The following TANC1 variants were observed in gnomAD, a reference collection of about 807,000 sequenced individuals.
TANC1 encodes the protein tetratricopeptide repeat, ankyrin repeat and coiled-coil containing 1.
A neutral mutation model predicts 149.7 loss-of-function variants in TANC1; 77 were observed. That is an observed-to-expected ratio of 0.51 (90% CI 0.43 to 0.62). The LOEUF (loss-of-function observed/expected upper bound fraction) is 0.62. TANC1 is among the 20% of genes least tolerant of loss of function. The pLI, the probability that TANC1 is intolerant of heterozygous loss-of-function variation, is 0.00. For missense variants in TANC1, 1,985 were observed against 2,321.8 expected, an observed-to-expected ratio of 0.85 and a Z score of 2.98; for synonymous variants, 854 against 925.0, an observed-to-expected ratio of 0.92 and a Z score of 1.39.
intron 3 of TANC1, among the ~76,000 whole-genome samples, chr2:159,091,965 G>GGC (rs2045593201): frequency 6.8e-6 from 1 of 146,702 alleles, no homozygotes; most frequent in South Asian, 2.1e-4. Context: ...TAAATATAGG[G>GGC]GGGGGTGTGT....
intron 2 of TANC1, among the ~76,000 whole-genome samples, chr2:159,046,588 A>ATT (rs2041064785): frequency 1.8e-5 from 1 of 54,592 alleles, no homozygotes; most frequent in Non-Finnish European, 3.6e-5. Context: ...TCTTTTCTTT[A>ATT]CTTTTTTTTT....
intron 16 of TANC1, among the ~76,000 whole-genome samples, chr2:159,189,158 A>G (rs550104408): frequency 6.6e-6 from 1 of 152,366 alleles, no homozygotes; most frequent in African/African-American, 2.4e-5. Flanking sequence ...CTTGGCATTT[A>G]TTATGTTTAC....
intron 1 of TANC1, among the ~76,000 whole-genome samples, chr2:158,994,200 T>C (rs1209872918): frequency 6.6e-6 from 1 of 152,196 alleles, no homozygotes; most frequent in East Asian, 1.9e-4. Context: ...GAATCTCTTT[T>C]TGGGGTGAGA....
chr2:159,035,979 G>A (rs915166780), intron 2 of TANC1, among the ~76,000 whole-genome samples: 3 of 152,154 alleles, frequency 2.0e-5, no homozygotes, highest in Admixed American at 6.5e-5. Context: ...GTCTGAGAGC[G>A]GGCATGCTGT....
chr2:159,004,050 T>G, intron 2 of TANC1: 2 of 1,612,312 alleles, frequency 1.2e-6, no homozygotes, highest in Middle Eastern at 2.2e-4. Context: ...AGTTATTCAT[T>G]TCAACAATCC....
At chr2:159,229,452 C>T in intron 26 of TANC1, 126 bp from the exon 27 acceptor site, 1 of 800,252 alleles carries the variant, frequency 1.2e-6, no homozygotes, top group Admixed American at 2.8e-5. Flanking sequence ...TCCTGGCCAC[C>T]ACCGTAAGTG....
chr2:159,150,258 TA>T (rs1420208554), intron 6 of TANC1, 111 bp from the exon 7 acceptor site: 4 of 829,822 alleles, frequency 4.8e-6, no homozygotes, highest in Middle Eastern at 3.4e-4. Flanking sequence ...ATTTTTTTTT[TA>T]AAACTTCCGT....
intron 4 of TANC1, among the ~76,000 whole-genome samples, chr2:159,117,952 T>TGTA (rs1325542016): frequency 8.1e-4 from 28 of 34,520 alleles, no homozygotes; most frequent in East Asian, 2.1e-3. Flanking sequence ...GGAGTTTTTC[T>TGTA]CTACTGGAGT....
chr2:159,130,154 T>G (rs2049932591), intron 4 of TANC1, among the ~76,000 whole-genome samples: 1 of 152,190 alleles, frequency 6.6e-6, no homozygotes, highest in Non-Finnish European at 1.5e-5. Flanking sequence ...TGTTGTTGTT[T>G]ATTTCATGTT....
chr2:159,161,894 A>G (rs971115212), intron 7 of TANC1, among the ~76,000 whole-genome samples: 9 of 152,244 alleles, frequency 5.9e-5, no homozygotes, highest in Admixed American at 4.6e-4. Flanking sequence ...CATTCATTCA[A>G]TTAGCAAGCA....
At chr2:159,199,693 C>G (rs535748362) in intron 19 of TANC1, among the ~76,000 whole-genome samples, 1 of 152,312 alleles carries the variant, frequency 6.6e-6, no homozygotes, top group East Asian at 1.9e-4. Context: ...AAATCTAAGA[C>G]TTTAAATTAC....
intron 24 of TANC1, 82 bp downstream of exon 24, chr2:159,225,861 GCTA>G: frequency 1.9e-6 from 2 of 1,052,116 alleles, no homozygotes; most frequent in Non-Finnish European, 2.9e-6. Context: ...CTACAGCTGT[GCTA>G]CTGCACAGTC....
At chr2:159,052,898 T>C (rs933604326) in intron 2 of TANC1, among the ~76,000 whole-genome samples, 1 of 152,262 alleles carries the variant, frequency 6.6e-6, no homozygotes, top group Non-Finnish European at 1.5e-5. Context: ...TTAAGCATAC[T>C]TTAGTGTATC....
chr2:159,207,312 T>C (rs557814993), intron 19 of TANC1, among the ~76,000 whole-genome samples: 2 of 152,324 alleles, frequency 1.3e-5, no homozygotes, highest in Admixed American at 6.5e-5. Flanking sequence ...AGAAGCACTT[T>C]CTGGTACTTT....
At chr2:159,052,381 T>A (rs969709898) in intron 2 of TANC1, among the ~76,000 whole-genome samples, 2 of 152,150 alleles carry the variant, frequency 1.3e-5, no homozygotes, top group Admixed American at 1.3e-4. Context: ...TGCCTTTAAT[T>A]GCTAGCAGTG....
intron 4 of TANC1, among the ~76,000 whole-genome samples, chr2:159,134,688 C>G (rs1222603066): frequency 2.0e-5 from 3 of 151,750 alleles, no homozygotes; most frequent in African/African-American, 7.3e-5. Context: ...GTTTCACCAT[C>G]TTGGCCAGGC....
At chr2:159,019,633 CTGCAGCT>C (rs1237927433) in intron 2 of TANC1, among the ~76,000 whole-genome samples, 3 of 141,924 alleles carry the variant, frequency 2.1e-5, no homozygotes, top group African/African-American at 7.9e-5. Context: ...GCTTCCCTAA[CTGCAGCT>C]TGCTTTCTTT....
rs1349213839 is a variant in TANC1 at position 158,977,324 on chromosome 2, T to G, written c.-126+8542T>G. Reference sequence around the variant, plus strand: ...CTGGCTTAATTAAAAAAAAATTTTTTTTTTGAGATGGAAACTTTCTCTGTT... The same window carrying G: ...CTGGCTTAATTAAAAAAAAATTTTTGTTTTGAGATGGAAACTTTCTCTGTT... On this transcript the variant is annotated intron_variant, in intron 1 of 26. Transcript: ENST00000263635. Among the ~76,000 whole-genome samples the G allele has an allele frequency of 2.0e-5, 3 of 151,830 alleles. No individual in the cohort carries two copies. In the East Asian group the frequency reaches 5.8e-4, roughly 29 times the overall value.
At chr2:159,161,912 A>G (rs981114973) in intron 7 of TANC1, among the ~76,000 whole-genome samples, 30 of 152,232 alleles carry the variant, frequency 2.0e-4, no homozygotes, top group Non-Finnish European at 4.3e-4. Flanking sequence ...GCATTTATTG[A>G]GCACTTACTA....
Sources: allele counts gnomAD v4.1 joint callset (sites outside exome capture counted in the v4.1 genomes callset), GRCh38; gene constraint gnomAD v4.1.1; transcripts MANE v1.5; gene names NCBI Gene and HGNC (gene_info 2026-07-23, HGNC 2026-07-21).